ARFGEF3: variants seen among roughly 807,000 people sequenced by gnomAD.
ARFGEF3 encodes the protein brefeldin A-inhibited guanine nucleotide-exchange protein 3.
ARFGEF3 carries 96 observed loss-of-function variants against 221.7 expected under a neutral mutation model. The observed-to-expected ratio is 0.43, with a 90% confidence interval of 0.37 to 0.51. The LOEUF is 0.51. ARFGEF3 is among the 20% of genes least tolerant of loss of function. The pLI is 0.00. For missense variants in ARFGEF3, 2,410 were observed against 2,789.9 expected (o/e 0.86, Z 3.07); for synonymous variants, 1,145 against 1,126.8 (o/e 1.02, Z -0.32).
intron 2 of ARFGEF3, among the ~76,000 whole-genome samples, chr6:138,188,383 G>A (rs891499060): frequency 2.0e-5 from 3 of 152,136 alleles, no homozygotes; most frequent in African/African-American, 7.2e-5. Flanking sequence ...TAGTTGTCAG[G>A]CAGCTTTTAC....
intron 13 of ARFGEF3, 108 bp downstream of exon 13, chr6:138,278,725 G>T (rs1259388774): frequency 1.7e-6 from 2 of 1,210,654 alleles, no homozygotes; most frequent in African/African-American, 3.1e-5. Flanking sequence ...TTTTGTTCCA[G>T]ACTGCTCTAG....
At position 138,162,291 on chromosome 6, in the gene ARFGEF3, A is replaced by G; in HGVS notation, c.85+120A>G. On this transcript the variant is annotated intron_variant, in intron 1 of 33. Transcript: ENST00000251691. The surrounding 1 kb of genome is among the most constrained non-coding windows in gnomAD (Gnocchi z 4.7). ...CATGGGTGCCGTTCTGGCGATTGCG[A>G]GAGTCGCCTCGGGAAATTGATGTGG... 4 of 618,310 alleles carry G rather than the reference A, an allele frequency of 6.5e-6. No homozygotes were observed. Among genetic ancestry groups the G allele is most frequent in the Non-Finnish European group, 1.1e-5 (4 of 373,194 alleles). The allele number at this position is 618,310 out of a possible 1,614,324, so 38.3% of individuals were successfully genotyped here.
intron 2 of ARFGEF3, among the ~76,000 whole-genome samples, chr6:138,202,439 A>G (rs1004794173): frequency 1.3e-5 from 2 of 152,180 alleles, no homozygotes; most frequent in Non-Finnish European, 2.9e-5. Context: ...GTTATGCCCC[A>G]TGAATTTCCT....
At chr6:138,212,663 T>C (rs893385372) in intron 4 of ARFGEF3, among the ~76,000 whole-genome samples, 2 of 152,200 alleles carry the variant, frequency 1.3e-5, no homozygotes, top group African/African-American at 4.8e-5. Context: ...TAAGAAAATA[T>C]GGCACATATA....
At chr6:138,195,987 G>A (rs1261949380) in intron 2 of ARFGEF3, among the ~76,000 whole-genome samples, 1 of 140,696 alleles carries the variant, frequency 7.1e-6, no homozygotes, top group Non-Finnish European at 1.5e-5. Context: ...AGAAAGGAGT[G>A]TCTTGGTAAA....
At chr6:138,191,510 C>T (rs1000223819) in intron 2 of ARFGEF3, among the ~76,000 whole-genome samples, 5 of 152,090 alleles carry the variant, frequency 3.3e-5, no homozygotes, top group African/African-American at 4.8e-5. Context: ...TCTCTCTACT[C>T]GCTGGCTGTG....
chr6:138,316,911 ATAGATGAAGG>A (rs1212251064), intron 26 of ARFGEF3, among the ~76,000 whole-genome samples: 1 of 152,220 alleles, frequency 6.6e-6, no homozygotes, highest in Non-Finnish European at 1.5e-5. Flanking sequence ...TTAAAAAAAG[ATAGATGAAGG>A]TGATAGAACT....
chr6:138,217,304 C>G (rs1035088802), intron 4 of ARFGEF3: 2 of 152,168 alleles, frequency 1.3e-5, no homozygotes, highest in Admixed American at 6.5e-5. Context: ...TAGATCCAAA[C>G]AGAATGGGAA....
intron 31 of ARFGEF3, 30 bp downstream of exon 31, chr6:138,324,184 C>A (rs896030400): frequency 6.3e-7 from 1 of 1,594,936 alleles, no homozygotes. Context: ...ATCTCAGGAG[C>A]TCTAGAAACT....
chr6:138,238,606 A>G lies in ARFGEF3; in HGVS notation c.518A>G (p.Gln173Arg). 1 of 1,613,788 alleles carries G rather than the reference A, an allele frequency of 6.2e-7. No individual in the cohort carries two copies. Among genetic ancestry groups the G allele is most frequent in the Non-Finnish European group, 8.5e-7 (1 of 1,179,742 alleles). Residue 173 changes from glutamine (Q) to arginine (R), a missense_variant, in exon 6 of 34, where the codon CAG becomes CGG. Physicochemically the swap from Gln to Arg is conservative, Grantham distance 43. Coordinates refer to ENST00000251691, the MANE Select transcript of ARFGEF3 (RefSeq NM_020340.5). ...LSQMLSDLTL[Q>R]LRQRQENTII... ...CAAATGCTGAGTGACTTGACTTTAC[A>G]GTTACGACAGAGGCAGGAGAATACG...
chr6:138,264,893 T>C (rs76134038), intron 12 of ARFGEF3, among the ~76,000 whole-genome samples: 2 of 145,904 alleles, frequency 1.4e-5, no homozygotes, highest in Non-Finnish European at 3.0e-5. Context: ...AAGGAACAAA[T>C]TTTTTTTTCC....
intron 12 of ARFGEF3, among the ~76,000 whole-genome samples, chr6:138,264,444 A>G (rs6922282): frequency 0.056 from 8,518 of 152,244 alleles, 742 homozygotes; most frequent in African/African-American, 0.19. Context: ...CCTCAAGTAC[A>G]AGGGTCTCTT....
In ARFGEF3 at chr6:138,263,463, A is replaced by G. The variant is rs1403103960; in HGVS notation, c.1980A>G (p.Leu660=). The G allele has an allele frequency of 6.2e-7, 1 of 1,613,808 alleles. No homozygotes were observed. The highest frequency in any genetic ancestry group is 1.3e-5 in the African/African-American group (1 of 74,910). The change falls in exon 12 of 34, where the codon CTA becomes CTG. Residue 660 remains leucine (L), a synonymous_variant. Coordinates refer to ENST00000251691, the MANE Select transcript of ARFGEF3 (RefSeq NM_020340.5). ...CCCTGCGAACTGCCGCCCTGTCTCT[A>G]AAACTGCTGAAGAACCAGGAGGCGG... ...HRSLRTAALS[L]KLLKNQEADQ... is the part of the protein sequence containing the mutation.
chr6:138,182,168 G>A (rs1220306105), intron 2 of ARFGEF3, among the ~76,000 whole-genome samples: 2 of 152,178 alleles, frequency 1.3e-5, no homozygotes, highest in Non-Finnish European at 2.9e-5. Flanking sequence ...CAAGCTCCTT[G>A]AGCCAGTCCA....
intron 2 of ARFGEF3, among the ~76,000 whole-genome samples, chr6:138,189,512 T>A (rs1777253651): frequency 1.3e-5 from 2 of 152,376 alleles, no homozygotes; most frequent in South Asian, 4.1e-4. Context: ...GTTTATTTTC[T>A]TCTGAGAGTA....
intron 8 of ARFGEF3, among the ~76,000 whole-genome samples, chr6:138,252,636 T>C (rs928436762): frequency 1.3e-5 from 2 of 152,094 alleles, no homozygotes; most frequent in East Asian, 1.9e-4. Flanking sequence ...CTCCTGGGGG[T>C]AATTTGAACT....
At chr6:138,312,812 C>G (rs140855523) in intron 25 of ARFGEF3, among the ~76,000 whole-genome samples, 3 of 152,170 alleles carry the variant, frequency 2.0e-5, no homozygotes, top group African/African-American at 7.2e-5. Context: ...CAGGTTCAAG[C>G]GATTCTCCTG....
At chr6:138,287,846 G>A (rs1250890727) in intron 17 of ARFGEF3, among the ~76,000 whole-genome samples, 2 of 152,154 alleles carry the variant, frequency 1.3e-5, no homozygotes, top group Non-Finnish European at 2.9e-5. Context: ...CACTGAGTCA[G>A]CTGTACATTT....
chr6:138,264,281 T>G (rs1289528636), intron 12 of ARFGEF3, among the ~76,000 whole-genome samples: 1 of 152,220 alleles, frequency 6.6e-6, no homozygotes, highest in African/African-American at 2.4e-5. Context: ...AGATAAAGAA[T>G]ACAGGGAAGT....
Sources: gnomAD v4.1 joint callset for allele counts (sites outside exome capture counted in the v4.1 genomes callset) on GRCh38, gnomAD v4.1.1 for gene constraint, Gnocchi (gnomAD v3.1) non-coding constraint, MANE v1.5 for transcripts, NCBI Gene and HGNC (gene_info 2026-07-23, HGNC 2026-07-21) for gene names.